The following COLEC12 variants were observed in gnomAD, a reference collection of about 807,000 sequenced individuals.
COLEC12 encodes the protein collectin-12.
Under a neutral mutation model 71.1 loss-of-function variants are expected in COLEC12, and 33 were observed. That is an observed-to-expected ratio of 0.46 (90% CI 0.35 to 0.62). COLEC12 has a LOEUF of 0.62. Among genes scored for constraint, COLEC12 ranks in the 20% least tolerant of loss-of-function variants. The probability of loss-of-function intolerance (pLI) is 0.00; values close to 1 mark genes in which losing one functional copy is unlikely to be tolerated. For synonymous variants in COLEC12, 350 were observed against 353.0 expected (o/e 0.99, Z 0.10); for missense variants, 765 against 916.1 (o/e 0.84, Z 2.13).
At chr18:469,741 C>A (rs2143750898) in intron 2 of COLEC12, among the ~76,000 whole-genome samples, 1 of 152,308 alleles carries the variant, frequency 6.6e-6, no homozygotes, top group South Asian at 2.1e-4. Flanking sequence ...TGACACCCTA[C>A]TTCCTATCAT....
At chr18:353,229 C>T (rs764205290) in intron 3 of COLEC12, among the ~76,000 whole-genome samples, 1 of 152,142 alleles carries the variant, frequency 6.6e-6, no homozygotes, top group Non-Finnish European at 1.5e-5. Flanking sequence ...CACACCAACT[C>T]GATCTTTATT....
chr18:381,851 A>T (rs1915238497), intron 2 of COLEC12, among the ~76,000 whole-genome samples: 1 of 152,202 alleles, frequency 6.6e-6, no homozygotes, highest in Admixed American at 6.5e-5. Flanking sequence ...TGATATACAT[A>T]GTTTCAAGTA....
intron 3 of COLEC12, among the ~76,000 whole-genome samples, chr18:354,454 A>G (rs1356062122): frequency 2.0e-5 from 3 of 152,252 alleles, no homozygotes; most frequent in African/African-American, 7.2e-5. Context: ...GATAAATAAA[A>G]GTTTTTACTC....
chr18:496,180 T>G (rs72856695), intron 1 of COLEC12, among the ~76,000 whole-genome samples: 23,361 of 152,088 alleles, frequency 0.15, 1,845 homozygotes, highest in South Asian at 0.22. Context: ...AGGCATTTAG[T>G]AGGAAAATGA....
chr18:498,715 T>TAA (rs1917760732), intron 1 of COLEC12, among the ~76,000 whole-genome samples: 1 of 152,078 alleles, frequency 6.6e-6, no homozygotes, highest in African/African-American at 2.4e-5. Context: ...TACCCGGGGA[T>TAA]TCACCAGTCC....
chr18:411,488 A>G (rs1302972488), intron 2 of COLEC12, among the ~76,000 whole-genome samples: 1 of 151,990 alleles, frequency 6.6e-6, no homozygotes, highest in East Asian at 2.0e-4. Context: ...AAACAAAGAG[A>G]AAAAAAAGCC....
intron 2 of COLEC12, among the ~76,000 whole-genome samples, chr18:455,379 G>A (rs533531248): frequency 1.3e-5 from 2 of 150,126 alleles, no homozygotes; most frequent in South Asian, 4.2e-4. Context: ...CCGGGTTCAT[G>A]CCATTCTCCT....
intron 2 of COLEC12, among the ~76,000 whole-genome samples, chr18:445,996 AT>A (rs1256943233): frequency 8.5e-5 from 13 of 152,276 alleles, no homozygotes; most frequent in African/African-American, 3.1e-4. Flanking sequence ...GAATCATAAT[AT>A]GTGGCCTTTT....
rs1567871085 is a variant in COLEC12, at chr18:319,361, T to TAC, written c.*683_*684insGT. 4.1e-5 allele frequency: 5 copies of TAC among 122,174 alleles called. No individual in the cohort carries two copies. The highest frequency in any genetic ancestry group is 1.4e-4 in the African/African-American group (5 of 35,268). 7.6% of individuals were successfully genotyped at this position (122,174 alleles called of 1,614,324 possible). On this transcript the variant is annotated 3_prime_UTR_variant, in exon 10 of 10. Transcript: ENST00000400256. The stretch of plus-strand genomic sequence containing the variant: ...AAAAAAATATATATATATATATATA[T>TAC]ATACACATGTATATTTAATTATTTT...
chr18:427,794 C>A (rs1260497273), intron 2 of COLEC12, among the ~76,000 whole-genome samples: 2 of 152,034 alleles, frequency 1.3e-5, no homozygotes, highest in African/African-American at 4.8e-5. Context: ...TGAAGGAGAC[C>A]CTAGGCCCAC....
chr18:446,752 C>G (rs577505147), intron 2 of COLEC12, among the ~76,000 whole-genome samples: 2 of 152,188 alleles, frequency 1.3e-5, no homozygotes, highest in South Asian at 4.2e-4. Context: ...AGCATTTTCT[C>G]AGCCTTTCAT....
chr18:330,556 T>C (rs1402606091), intron 8 of COLEC12, among the ~76,000 whole-genome samples: 1 of 152,076 alleles, frequency 6.6e-6, no homozygotes, highest in African/African-American at 2.4e-5. Flanking sequence ...CCTTGCAATT[T>C]TCACACCCGT....
intron 2 of COLEC12, among the ~76,000 whole-genome samples, chr18:474,526 G>A (rs958331430): frequency 2.0e-5 from 3 of 152,174 alleles, no homozygotes; most frequent in African/African-American, 7.2e-5. Context: ...AAACCTAGGT[G>A]CATGGTGTTG....
chr18:475,449 A>G (rs1049184551), intron 2 of COLEC12, among the ~76,000 whole-genome samples: 1 of 152,126 alleles, frequency 6.6e-6, no homozygotes, highest in Non-Finnish European at 1.5e-5. Context: ...GCTTCAAATC[A>G]ACACCTTGTC....
At chr18:387,658 T>A (rs1244726263) in intron 2 of COLEC12, among the ~76,000 whole-genome samples, 1 of 152,218 alleles carries the variant, frequency 6.6e-6, no homozygotes, top group Non-Finnish European at 1.5e-5. Flanking sequence ...GATACAACCA[T>A]ATACGGCTGT....
chr18:473,340 C>A (rs1404941756), intron 2 of COLEC12, among the ~76,000 whole-genome samples: 1 of 120,872 alleles, frequency 8.3e-6, no homozygotes, highest in African/African-American at 2.9e-5. Context: ...TCCCAAGGGG[C>A]CTCCAAATGA....
rs149771832 is a variant in COLEC12, at chr18:421,894, T to C, written c.58+58813A>G. Among the ~76,000 whole-genome samples the C allele has an allele frequency of 3.7e-4, 57 of 152,348 alleles. No individual in the cohort carries two copies. The Middle Eastern group carries it at 0.014, about 36-fold the overall frequency. On this transcript the variant is annotated intron_variant, in intron 2 of 9. Coordinates refer to ENST00000400256, the MANE Select transcript of COLEC12 (RefSeq NM_130386.3). ...TGGGTCACACCAGCTGGATTGGAGCTAAAAGTTCTCACCCATCATATTAAT... is the reference window on the plus strand; with the variant it reads ...TGGGTCACACCAGCTGGATTGGAGCCAAAAGTTCTCACCCATCATATTAAT...
At chr18:326,917 C>A (rs115139551) in intron 8 of COLEC12, among the ~76,000 whole-genome samples, 1 of 152,168 alleles carries the variant, frequency 6.6e-6, no homozygotes, top group East Asian at 1.9e-4. Context: ...TTGCTATGTT[C>A]TATTGACTGT....
intron 8 of COLEC12, among the ~76,000 whole-genome samples, chr18:323,086 A>G (rs781563824): frequency 1.8e-4 from 28 of 152,290 alleles, no homozygotes; most frequent in Non-Finnish European, 3.4e-4. Flanking sequence ...TTAGCTGGGC[A>G]TGGTGGCAGG....
Sources: gnomAD v4.1 joint callset for allele counts (sites outside exome capture counted in the v4.1 genomes callset) on GRCh38, gnomAD v4.1.1 for gene constraint, MANE v1.5 for transcripts, NCBI Gene and HGNC (gene_info 2026-07-23, HGNC 2026-07-21) for gene names.